HDLBP: variants seen among roughly 807,000 people sequenced by gnomAD.
HDLBP encodes the protein high density lipoprotein binding protein, also known as vigilin.
In HDLBP, 30 loss-of-function variants were observed where a neutral mutation model predicts 137.3. The ratio of observed to expected loss-of-function variants is 0.22; its 90% CI spans 0.16 to 0.30. The LOEUF is 0.30. HDLBP is among the 10% of genes least tolerant of loss of function. The pLI, the probability that HDLBP is intolerant of heterozygous loss-of-function variation, is 1.00. For missense variants in HDLBP, 1,119 were observed against 1,667.3 expected (o/e 0.67, Z 5.73); for synonymous variants, 606 against 596.0 (o/e 1.02, Z -0.24).
rs919242553 is a variant in HDLBP, at chr2:241,277,862, G to A, written c.-102-9321C>T. Among the ~76,000 whole-genome samples the A allele has an allele frequency of 3.9e-5, 6 of 152,260 alleles. No homozygotes were observed. In the East Asian group the frequency reaches 7.7e-4, roughly 20 times the overall value. On this transcript the variant is annotated intron_variant, in intron 1 of 27. Coordinates refer to ENST00000310931, the MANE Select transcript of HDLBP (RefSeq NM_005336.6). Reference sequence around the variant, plus strand: ...TGTAATCCCAGCTACTCAGGAGGCCGAGGCAGGAGAATCGCTTGTACCTGG... The same window carrying A: ...TGTAATCCCAGCTACTCAGGAGGCCAAGGCAGGAGAATCGCTTGTACCTGG...
intron 5 of HDLBP, among the ~76,000 whole-genome samples, chr2:241,258,219 C>T (rs548474250): frequency 2.0e-5 from 3 of 152,030 alleles, no homozygotes; most frequent in Admixed American, 6.5e-5. Context: ...TGGTGGCAGG[C>T]GCCTGTAATC....
chr2:241,314,304 A>C (rs1380432023), intron 1 of HDLBP, among the ~76,000 whole-genome samples: 3 of 152,190 alleles, frequency 2.0e-5, no homozygotes, highest in African/African-American at 7.2e-5. Context: ...AGCATCCCAG[A>C]TTTGCTTCCC....
intron 12 of HDLBP, among the ~76,000 whole-genome samples, chr2:241,248,922 A>G (rs1271608287): frequency 2.0e-5 from 3 of 152,188 alleles, no homozygotes; most frequent in African/African-American, 7.2e-5. Flanking sequence ...GAACACCAAC[A>G]GCCAACCAAA....
intron 1 of HDLBP, among the ~76,000 whole-genome samples, chr2:241,284,934 G>C (rs1043452247): frequency 6.6e-6 from 1 of 152,184 alleles, no homozygotes; most frequent in African/African-American, 2.4e-5. Context: ...GAGTGCAGTG[G>C]CACAGTCTTG....
chr2:241,305,812 T>A lies in HDLBP; in HGVS notation c.-103+9758A>T, dbSNP rs1269842440. ...TCTCGCTCTGTCGCCCAGGCTGGAG[T>A]GCAGTGGCGTGATCTCGGCTCACTG... On this transcript the variant is annotated intron_variant, in intron 1 of 27. Transcript: ENST00000310931. Among the ~76,000 whole-genome samples, 3 of 149,720 alleles carry A rather than the reference T, an allele frequency of 2.0e-5. No individual in the cohort carries two copies. The East Asian group carries it at 5.9e-4, about 29-fold the overall frequency.
intron 13 of HDLBP, 45 bp downstream of exon 13, chr2:241,248,199 T>A (rs759118244): frequency 1.3e-6 from 2 of 1,561,662 alleles, no homozygotes; most frequent in Non-Finnish European, 1.8e-6. Context: ...AAGTGTGACT[T>A]GGATCACTCC....
chr2:241,309,810 C>G (rs931486279), intron 1 of HDLBP, among the ~76,000 whole-genome samples: 1 of 152,234 alleles, frequency 6.6e-6, no homozygotes, highest in Non-Finnish European at 1.5e-5. Context: ...TTTATGGTTA[C>G]TGCTGTGCTC....
chr2:241,229,348 T>G lies in HDLBP; in HGVS notation c.*253A>C. 1.5e-5 allele frequency: 6 copies of G among 392,118 alleles called. No individual in the cohort carries two copies. The highest frequency in any genetic ancestry group is 4.1e-5 in the Admixed American group (1 of 24,104). The allele number at this position is 392,118 out of a possible 1,614,324, so 24.3% of individuals were successfully genotyped here. A position where few individuals can be genotyped will look rare whatever the true frequency, so the allele number is the denominator to read the frequency against. On this transcript the variant is annotated 3_prime_UTR_variant, in exon 28 of 28. Coordinates refer to ENST00000310931, the MANE Select transcript of HDLBP (RefSeq NM_005336.6). Reference sequence around the variant, plus strand: ...ATGCCGGGTGGACCAGGAGCTGGAGTCTGTTATCTTAGCACGAATGCTCAT... The same window carrying G: ...ATGCCGGGTGGACCAGGAGCTGGAGGCTGTTATCTTAGCACGAATGCTCAT...
chr2:241,236,846 G>T lies in HDLBP; in HGVS notation c.2750-77C>A, dbSNP rs2070539567. On this transcript the variant is annotated intron_variant, in intron 20 of 27. Coordinates refer to ENST00000310931, the MANE Select transcript of HDLBP (RefSeq NM_005336.6). ...CACCTTGTTCAGAATGCATATGTCT[G>T]TGAGGCACCTGCTGGGTGCTGGGTG... 6 of 1,471,276 alleles carry T rather than the reference G, an allele frequency of 4.1e-6. 1 individual carries two copies. Among genetic ancestry groups the T allele is most frequent in the Non-Finnish European group, 5.6e-6 (6 of 1,070,380 alleles). The allele number at this position is 1,471,276 out of a possible 1,614,324, so 91.1% of individuals were successfully genotyped here. A position where few individuals can be genotyped will look rare whatever the true frequency, so the allele number is the denominator to read the frequency against.
chr2:241,309,271 T>C (rs2075687120), intron 1 of HDLBP, among the ~76,000 whole-genome samples: 1 of 152,202 alleles, frequency 6.6e-6, no homozygotes, highest in Admixed American at 6.5e-5. Flanking sequence ...TACCAAAACG[T>C]GACCTCCGTG....
chr2:241,298,746 G>A (rs1346842752), intron 1 of HDLBP, among the ~76,000 whole-genome samples: 1 of 152,176 alleles, frequency 6.6e-6, no homozygotes, highest in East Asian at 1.9e-4. Context: ...ATGCAGAGAA[G>A]AACCCAGCCT....
At chr2:241,251,394 C>A (rs1469050386) in intron 11 of HDLBP, among the ~76,000 whole-genome samples, 2 of 152,226 alleles carry the variant, frequency 1.3e-5, no homozygotes, top group Non-Finnish European at 2.9e-5. Flanking sequence ...AAAATGCCCA[C>A]AAAACATAAG....
rs2069675681 is a variant in HDLBP at position 241,231,000 on chromosome 2, G to A, written c.3289-56C>T. 2.0e-6 allele frequency: 3 copies of A among 1,509,282 alleles called. No individual in the cohort carries two copies. Among genetic ancestry groups the A allele is most frequent in the Admixed American group, 3.4e-5 (2 of 59,162 alleles). The allele number at this position is 1,509,282 out of a possible 1,614,324, so 93.5% of individuals were successfully genotyped here. On this transcript the variant is annotated intron_variant, in intron 24 of 27. Transcript: ENST00000310931. This position sits in a 1 kb window ranked among gnomAD's most constrained non-coding sequence, Gnocchi z 5.0. ...GATGCCTTACTGGGATTCCCGTCAG[G>A]GGCAAGAGCCGGCCCCCACTGCTGA...
At position 241,248,104 on chromosome 2, in the gene HDLBP, A is replaced by G; in HGVS notation, c.1630T>C (p.Phe544Leu). Reference protein sequence around the residue: ...RDKFPEVIINFPDPAQKSDIV... With the variant: ...RDKFPEVIINLPDPAQKSDIV... ...TCACTTTTTTGTGCTGGGTCTGGAA[A>G]GTTAATGATGACCTAGAACAAATCA... Residue 544 changes from phenylalanine to leucine, a missense_variant, in exon 14 of 28, where the codon TTT becomes CTT. By Grantham distance (22) the Phe-to-Leu change is conservative. Around this residue, in one of 4 missense-constraint regions of HDLBP, gnomAD observed 425 missense variants for 693.9 expected, o/e 0.61. Transcript: ENST00000310931. 6.2e-7 allele frequency: 1 copy of G among 1,613,732 alleles called. No homozygotes were observed. The highest frequency in any genetic ancestry group is 1.1e-5 in the South Asian group (1 of 91,078).
chr2:241,283,631 C>T (rs574713968), intron 1 of HDLBP, among the ~76,000 whole-genome samples: 11 of 151,180 alleles, frequency 7.3e-5, no homozygotes, highest in Admixed American at 3.4e-4. Context: ...CCCACCACCA[C>T]GCCCGGCTAA....
Position 241,272,189 on chromosome 2 carries a change from G to A in HDLBP, c.-102-3648C>T, listed in dbSNP as rs1269586205. ...CGTAGACTGACGCGGGCCCCGCGCG[G>A]CAGGTGGAGGTGCTGCGGGGGCCCC... On this transcript the variant is annotated intron_variant, in intron 1 of 27. Transcript: ENST00000310931. The surrounding 1 kb of genome is among the most constrained non-coding windows in gnomAD (Gnocchi z 5.6). 3.0e-6 allele frequency: 3 copies of A among 984,988 alleles called. No individual in the cohort carries two copies. The African/African-American group carries it at 5.2e-5, about 17-fold the overall frequency. The allele number at this position is 984,988 out of a possible 1,614,324, so 61.0% of individuals were successfully genotyped here. A position where few individuals can be genotyped will look rare whatever the true frequency, so the allele number is the denominator to read the frequency against.
chr2:241,241,056 T>C (rs1183567856), intron 17 of HDLBP, among the ~76,000 whole-genome samples: 6 of 151,988 alleles, frequency 3.9e-5, no homozygotes, highest in Non-Finnish European at 5.9e-5. Flanking sequence ...AGTCAAACAT[T>C]AGGCAATCAA....
chr2:241,272,314 C>A lies in HDLBP; in HGVS notation c.-102-3773G>T. The A allele has an allele frequency of 5.1e-6, 5 of 983,790 alleles. No individual in the cohort carries two copies. Among genetic ancestry groups the A allele is most frequent in the Non-Finnish European group, 6.0e-6 (5 of 828,758 alleles). 60.9% of individuals were successfully genotyped at this position (983,790 alleles called of 1,614,324 possible). A position where few individuals can be genotyped will look rare whatever the true frequency, so the allele number is the denominator to read the frequency against. ...CCCACCCTGGCCGCACACGGCGCCC[C>A]CGCCGGAGCGGGGGAGGGGAGGGCC... On this transcript the variant is annotated intron_variant, in intron 1 of 27. Coordinates refer to ENST00000310931, the MANE Select transcript of HDLBP (RefSeq NM_005336.6). This position sits in a 1 kb window ranked among gnomAD's most constrained non-coding sequence, Gnocchi z 5.6.
chr2:241,267,487 C>G, intron 2 of HDLBP: 2 of 1,268,994 alleles, frequency 1.6e-6, no homozygotes, highest in African/African-American at 1.5e-5. Flanking sequence ...AACCTGCCAC[C>G]TGCCTGACCC....
Sources: gnomAD v4.1 joint callset for allele counts (sites outside exome capture counted in the v4.1 genomes callset) on GRCh38, gnomAD v4.1.1 for gene constraint, gnomAD v4.1.1 regional missense constraint, Gnocchi (gnomAD v3.1) non-coding constraint, MANE v1.5 for transcripts, NCBI Gene and HGNC (gene_info 2026-07-23, HGNC 2026-07-21) for gene names.